ADAM19: variants seen among roughly 807,000 people sequenced by gnomAD.
The protein encoded by ADAM19 is ADAM metallopeptidase domain 19.
A neutral mutation model predicts 114.7 loss-of-function variants in ADAM19; 65 were observed. That is an observed-to-expected ratio of 0.57 (90% CI 0.46 to 0.70). The LOEUF (loss-of-function observed/expected upper bound fraction) is 0.70. ADAM19 is among the 30% of genes least tolerant of loss of function. The pLI is 0.00. For synonymous variants in ADAM19, 466 were observed against 460.5 expected, an observed-to-expected ratio of 1.01 and a Z score of -0.15; for missense variants, 1,063 against 1,204.7, an observed-to-expected ratio of 0.88 and a Z score of 1.74.
At chr5:157,565,107 A>G (rs1196813285) in intron 2 of ADAM19, among the ~76,000 whole-genome samples, 1 of 152,224 alleles carries the variant, frequency 6.6e-6, no homozygotes, top group African/African-American at 2.4e-5. Flanking sequence ...AAGTAGATAC[A>G]TTTTACACAT....
At chr5:157,550,178 A>G (rs1757151665) in intron 3 of ADAM19, among the ~76,000 whole-genome samples, 1 of 152,200 alleles carries the variant, frequency 6.6e-6, no homozygotes, top group South Asian at 2.1e-4. Context: ...TCGGAAGTTT[A>G]TGTCACACAG....
chr5:157,513,877 C>G (rs1756011051), intron 7 of ADAM19, among the ~76,000 whole-genome samples: 1 of 152,224 alleles, frequency 6.6e-6, no homozygotes, highest in Non-Finnish European at 1.5e-5. Flanking sequence ...TGGTCATCAC[C>G]CCAACATGAA....
chr5:157,518,630 C>G (rs1164480338), intron 7 of ADAM19, among the ~76,000 whole-genome samples, 193 bp downstream of exon 7: 1 of 152,220 alleles, frequency 6.6e-6, no homozygotes, highest in African/African-American at 2.4e-5. Context: ...GTGATCCACC[C>G]GCCTTGCCCA....
intron 5 of ADAM19, among the ~76,000 whole-genome samples, chr5:157,523,586 G>C (rs920219816): frequency 1.6e-4 from 25 of 152,060 alleles, no homozygotes; most frequent in African/African-American, 6.0e-4. Flanking sequence ...GCACACACAG[G>C]CTCCCCTTCA....
At chr5:157,521,826 C>A (rs1207836667) in intron 5 of ADAM19, among the ~76,000 whole-genome samples, 2 of 152,186 alleles carry the variant, frequency 1.3e-5, no homozygotes, top group East Asian at 1.9e-4. Context: ...CTCAGCCAAC[C>A]AAGGCCTCTC....
intron 13 of ADAM19, among the ~76,000 whole-genome samples, chr5:157,498,457 GATA>G (rs1356297933): frequency 6.6e-6 from 1 of 152,158 alleles, no homozygotes; most frequent in African/African-American, 2.4e-5. Flanking sequence ...CACAACTCAG[GATA>G]ATAACCCACT....
At chr5:157,549,949 G>A (rs1047207636) in intron 3 of ADAM19, among the ~76,000 whole-genome samples, 8 of 152,110 alleles carry the variant, frequency 5.3e-5, no homozygotes, top group African/African-American at 1.9e-4. Context: ...ACTACAACAC[G>A]AATAAACCTC....
intron 12 of ADAM19, among the ~76,000 whole-genome samples, chr5:157,502,227 T>C (rs2113714833): frequency 6.6e-6 from 1 of 152,324 alleles, no homozygotes; most frequent in South Asian, 2.1e-4. Flanking sequence ...AGAAACCACA[T>C]GCATTTGTTA....
chr5:157,530,659 T>C, intron 5 of ADAM19, 148 bp downstream of exon 5: 1 of 623,504 alleles, frequency 1.6e-6, no homozygotes, highest in South Asian at 2.0e-5. Flanking sequence ...CCCTTGCCCA[T>C]CCTCCCAGGC....
chr5:157,516,900 C>A (rs1756106276), intron 7 of ADAM19, among the ~76,000 whole-genome samples: 4 of 151,176 alleles, frequency 2.6e-5, no homozygotes, highest in Admixed American at 2.6e-4. Context: ...ATCCTATAGA[C>A]ACACTAGTCT....
At chr5:157,481,129 T>C in intron 22 of ADAM19, 127 bp from the exon 23 acceptor site, 1 of 1,267,780 alleles carries the variant, frequency 7.9e-7, no homozygotes, top group Non-Finnish European at 1.1e-6. Context: ...AGGCTTCTTG[T>C]GAAGTCCATC....
In ADAM19 at chr5:157,575,563, G is replaced by A. The variant is rs11465229; in HGVS notation, c.94+40C>T. 1,250 of 1,413,106 alleles carry A rather than the reference G, an allele frequency of 8.8e-4. 13 individuals carry two copies. In the African/African-American group the frequency reaches 0.017, roughly 19 times the overall value. The allele number at this position is 1,413,106 out of a possible 1,614,324, so 87.5% of individuals were successfully genotyped here. The stretch of plus-strand genomic sequence containing the variant: ...CCCGCAAGGCTACTCCCAGGTCTCC[G>A]GGCCACCCAGCCTCCATCCCCCCGC... On this transcript the variant is annotated intron_variant, in intron 1 of 22. Coordinates refer to ENST00000257527, the MANE Select transcript of ADAM19 (RefSeq NM_033274.5).
rs1312179291 is a variant in ADAM19, at chr5:157,477,860, A to C, written c.*3089T>G. On this transcript the variant is annotated 3_prime_UTR_variant, in exon 23 of 23. Transcript: ENST00000257527. ...GGGAAGGGACTATGGCAATACAAAA[A>C]AACACTCCAACCAGAAAATCAGCAA... is the stretch of plus-strand genomic sequence containing the variant. 6.0e-6 allele frequency: 3 copies of C among 501,988 alleles called. No homozygotes were observed. Among genetic ancestry groups the C allele is most frequent in the East Asian group, 1.5e-4 (2 of 13,774 alleles). 31.1% of individuals were successfully genotyped at this position (501,988 alleles called of 1,614,324 possible).
chr5:157,550,408 G>A (rs1031918720), intron 3 of ADAM19, among the ~76,000 whole-genome samples: 2 of 152,110 alleles, frequency 1.3e-5, no homozygotes, highest in Non-Finnish European at 2.9e-5. Flanking sequence ...CCATACTCCA[G>A]TATGATCTCA....
At chr5:157,487,172 C>T (rs1324718771) in intron 21 of ADAM19, among the ~76,000 whole-genome samples, 2 of 152,174 alleles carry the variant, frequency 1.3e-5, no homozygotes, top group African/African-American at 4.8e-5. Context: ...CTCTCCACCT[C>T]TCTCTCTCCA....
At chr5:157,541,057 A>C (rs535242377) in intron 3 of ADAM19, among the ~76,000 whole-genome samples, 84 of 152,138 alleles carry the variant, frequency 5.5e-4, no homozygotes, top group Non-Finnish European at 1.0e-3. Context: ...CAGCTCCCCC[A>C]AGCTAGGTCC....
chr5:157,522,998 G>A (rs544336405), intron 5 of ADAM19, among the ~76,000 whole-genome samples: 2 of 152,294 alleles, frequency 1.3e-5, no homozygotes, highest in African/African-American at 2.4e-5. Context: ...GTTTACAAAT[G>A]TTATTCTTAT....
At chr5:157,508,243 C>T (rs1353620306) in intron 9 of ADAM19, among the ~76,000 whole-genome samples, 1 of 152,168 alleles carries the variant, frequency 6.6e-6, no homozygotes, top group Non-Finnish European at 1.5e-5. Flanking sequence ...GTTATTTTTC[C>T]CAGTTTCTTT....
chr5:157,569,805 A>C (rs899245788), intron 2 of ADAM19, among the ~76,000 whole-genome samples: 1 of 151,880 alleles, frequency 6.6e-6, no homozygotes, highest in Non-Finnish European at 1.5e-5. Context: ...TCTTAGAAAA[A>C]ACCCCTCTCC....
Sources: gnomAD v4.1 joint callset for allele counts (sites outside exome capture counted in the v4.1 genomes callset) on GRCh38, gnomAD v4.1.1 for gene constraint, MANE v1.5 for transcripts, NCBI Gene and HGNC (gene_info 2026-07-23, HGNC 2026-07-21) for gene names.